C12orf42: variants seen among roughly 807,000 people sequenced by gnomAD.
C12orf42 encodes chromosome 12 open reading frame 42.
In C12orf42, 25 loss-of-function variants were observed where a neutral mutation model predicts 21.6. That is an observed-to-expected ratio of 1.16 (90% CI 0.84 to 1.62). The LOEUF (loss-of-function observed/expected upper bound fraction) is 1.62. Ranked by LOEUF, C12orf42 falls within the 40% of genes most tolerant of loss-of-function variation. C12orf42 has a pLI of 0.00. For missense variants in C12orf42, 483 were observed against 459.3 expected, an observed-to-expected ratio of 1.05 and a Z score of -0.47; for synonymous variants, 174 against 175.0, an observed-to-expected ratio of 0.99 and a Z score of 0.05.
At chr12:103,539,499 T>C in the C12orf42 span, among the ~76,000 whole-genome samples, 1 of 152,230 alleles carries the variant, frequency 6.6e-6, no homozygotes, top group Admixed American at 6.5e-5. Context: ...ATCATTATAC[T>C]GAATCTTGTC....
At chr12:103,245,275 C>T (rs1330908068) in intron 10 of C12orf42, among the ~76,000 whole-genome samples, 1 of 151,952 alleles carries the variant, frequency 6.6e-6, no homozygotes, top group Non-Finnish European at 1.5e-5. Context: ...TCTGTATAAC[C>T]GTGGGCAAGA....
At chr12:103,164,787 G>C in the C12orf42 span, 1 of 445,406 alleles carries the variant, frequency 2.2e-6, no homozygotes, top group Non-Finnish European at 4.5e-6. Flanking sequence ...CTGTCGTATT[G>C]AATTCAATTA....
At chr12:103,358,519 C>G (rs1205072812) in intron 4 of C12orf42, among the ~76,000 whole-genome samples, 1 of 151,842 alleles carries the variant, frequency 6.6e-6, no homozygotes, top group Non-Finnish European at 1.5e-5. Flanking sequence ...TTATTCTACT[C>G]TATATGTTTC....
At chr12:103,295,370 G>C (rs1320101662) in intron 4 of C12orf42, among the ~76,000 whole-genome samples, 1 of 151,952 alleles carries the variant, frequency 6.6e-6, no homozygotes, top group Non-Finnish European at 1.5e-5. Context: ...CTAAATTGGA[G>C]GTTCTTCATG....
the C12orf42 span, among the ~76,000 whole-genome samples, chr12:103,106,910 A>G: frequency 6.6e-6 from 1 of 151,938 alleles, no homozygotes; most frequent in Non-Finnish European, 1.5e-5. Context: ...CTGAAATATA[A>G]TAATGAAAGA....
intron 2 of C12orf42, among the ~76,000 whole-genome samples, chr12:103,473,951 A>C (rs895915913): frequency 8.5e-5 from 13 of 152,218 alleles, no homozygotes; most frequent in African/African-American, 3.1e-4. Context: ...AGATGTTTTG[A>C]TTTTTCTTAA....
At chr12:103,167,386 A>T in the C12orf42 span, among the ~76,000 whole-genome samples, 1 of 152,202 alleles carries the variant, frequency 6.6e-6, no homozygotes, top group Admixed American at 6.5e-5. Context: ...TGTCCCCCCA[A>T]ATTGAAGCTT....
chr12:103,537,660 C>A, the C12orf42 span, among the ~76,000 whole-genome samples: 1 of 152,216 alleles, frequency 6.6e-6, no homozygotes. Flanking sequence ...CCTCCTTTAG[C>A]CCTTCCTTCT....
intron 4 of C12orf42, among the ~76,000 whole-genome samples, chr12:103,335,603 A>G (rs1262680339): frequency 1.3e-5 from 2 of 152,198 alleles, no homozygotes; most frequent in African/African-American, 4.8e-5. Context: ...TGGCCTTCAC[A>G]TTCTCTGCCT....
the C12orf42 span, among the ~76,000 whole-genome samples, chr12:103,097,187 T>C: frequency 6.6e-6 from 1 of 152,180 alleles, no homozygotes; most frequent in African/African-American, 2.4e-5. Context: ...ATCACTTAGT[T>C]TACAAAAGAA....
chr12:103,187,773 G>A, the C12orf42 span, among the ~76,000 whole-genome samples: 2 of 152,158 alleles, frequency 1.3e-5, no homozygotes, highest in Non-Finnish European at 2.9e-5. Flanking sequence ...AAAGTTTTGG[G>A]TAAGACAATT....
intron 1 of C12orf42, among the ~76,000 whole-genome samples, chr12:103,489,462 G>T (rs1415145269): frequency 6.6e-6 from 1 of 152,212 alleles, no homozygotes; most frequent in Non-Finnish European, 1.5e-5. Context: ...ACACCGTGCT[G>T]GGAGAACCAC....
At chr12:103,508,454 T>C in the C12orf42 span, among the ~76,000 whole-genome samples, 1 of 126,168 alleles carries the variant, frequency 7.9e-6, no homozygotes, top group African/African-American at 3.3e-5. Flanking sequence ...AACATTTAAA[T>C]AGGAAAAAAA....
At chr12:103,049,217 C>T in the C12orf42 span, among the ~76,000 whole-genome samples, 1 of 152,182 alleles carries the variant, frequency 6.6e-6, no homozygotes, top group Admixed American at 6.5e-5. Context: ...AATCGTGTGC[C>T]TTCCTTCCAA....
intron 2 of C12orf42, 28 bp from the exon 3 acceptor site, chr12:103,401,703 T>C (rs765885877): frequency 5.0e-6 from 8 of 1,587,402 alleles, no homozygotes; most frequent in Middle Eastern, 1.7e-4. Context: ...AGGCATTTAG[T>C]ATCACTTCAA....
the C12orf42 span, among the ~76,000 whole-genome samples, chr12:103,196,525 T>C: frequency 6.6e-6 from 1 of 152,174 alleles, no homozygotes; most frequent in South Asian, 2.1e-4. Flanking sequence ...GCTAATACTA[T>C]TAGTGGGATA....
chr12:103,308,889 C>T (rs2038656462), intron 4 of C12orf42, among the ~76,000 whole-genome samples: 1 of 152,066 alleles, frequency 6.6e-6, no homozygotes, highest in African/African-American at 2.4e-5. Flanking sequence ...GGAAGAATCC[C>T]ATGTGATAAC....
chr12:103,058,065 C>T, the C12orf42 span, among the ~76,000 whole-genome samples: 6 of 151,772 alleles, frequency 4.0e-5, no homozygotes, highest in Non-Finnish European at 7.4e-5. Flanking sequence ...AAGCTATTCT[C>T]CTGCCTCAGC....
At chr12:103,132,584 G>C in the C12orf42 span, among the ~76,000 whole-genome samples, 1 of 152,154 alleles carries the variant, frequency 6.6e-6, no homozygotes, top group East Asian at 1.9e-4. Context: ...ACTCCCACCA[G>C]ACTGCATATT....
Sources: gnomAD v4.1 joint callset for allele counts (sites outside exome capture counted in the v4.1 genomes callset) on GRCh38, gnomAD v4.1.1 for gene constraint, MANE v1.5 for transcripts, NCBI Gene and HGNC (gene_info 2026-07-23, HGNC 2026-07-21) for gene names.